Variants in SLCO3A1 observed in about 807,000 individuals in gnomAD.
SLCO3A1 encodes PGE1 transporter.
In SLCO3A1, 27 loss-of-function variants were observed where a neutral mutation model predicts 63.1. That is an observed-to-expected ratio of 0.43 (90% CI 0.32 to 0.59). SLCO3A1 has a LOEUF of 0.59. Among genes scored for constraint, SLCO3A1 ranks in the 20% least tolerant of loss-of-function variants. SLCO3A1 has a pLI of 0.09. For missense variants in SLCO3A1, 773 were observed against 945.8 expected (o/e 0.82, Z 2.40); for synonymous variants, 473 against 409.9 (o/e 1.15, Z -1.86).
At chr15:92,121,587 T>C (rs1362473834) in intron 5 of SLCO3A1, among the ~76,000 whole-genome samples, 4 of 152,208 alleles carry the variant, frequency 2.6e-5, no homozygotes, top group Admixed American at 1.3e-4. Flanking sequence ...TCTGGGATGA[T>C]AATCGATATT....
At chr15:91,880,098 T>TATCCGTCCGTCC (rs1555446359) in intron 1 of SLCO3A1, among the ~76,000 whole-genome samples, 1,250 of 97,608 alleles carry the variant, frequency 0.013, 19 homozygotes, top group East Asian at 0.07. Context: ...CTTGTATGTG[T>TATCCGTCCGTCC]GTCCGTCCGT....
chr15:92,037,661 T>G (rs547000131), intron 2 of SLCO3A1, among the ~76,000 whole-genome samples: 1 of 152,344 alleles, frequency 6.6e-6, no homozygotes, highest in South Asian at 2.1e-4. Flanking sequence ...TTTATCGTCA[T>G]TCATTCTTAT....
chr15:92,145,303 G>A (rs1015212574), intron 7 of SLCO3A1, among the ~76,000 whole-genome samples: 5 of 152,192 alleles, frequency 3.3e-5, no homozygotes, highest in Admixed American at 2.0e-4. Context: ...GGAGTGGGCA[G>A]TTTCCTCTCC....
At chr15:91,866,870 TG>T (rs1243835650) in intron 1 of SLCO3A1, among the ~76,000 whole-genome samples, 1 of 152,116 alleles carries the variant, frequency 6.6e-6, no homozygotes, top group Non-Finnish European at 1.5e-5. Flanking sequence ...AGCAAAGCAT[TG>T]GGCCAGGGTG....
chr15:92,008,963 A>T (rs1019975738), intron 2 of SLCO3A1, among the ~76,000 whole-genome samples: 1 of 152,252 alleles, frequency 6.6e-6, no homozygotes, highest in Non-Finnish European at 1.5e-5. Context: ...TCTGATGTGT[A>T]AAATGATTTT....
chr15:92,048,151 CT>C (rs1306192681), intron 2 of SLCO3A1, among the ~76,000 whole-genome samples: 1 of 152,086 alleles, frequency 6.6e-6, no homozygotes, highest in Non-Finnish European at 1.5e-5. Context: ...TTTAAACTGC[CT>C]CAGACCTCCC....
chr15:91,884,953 G>A (rs1451289317), intron 1 of SLCO3A1, among the ~76,000 whole-genome samples: 1 of 152,008 alleles, frequency 6.6e-6, no homozygotes, highest in East Asian at 1.9e-4. Flanking sequence ...CCCTGCTGGC[G>A]AGCTCACCTG....
At chr15:92,046,780 G>C (rs78121161) in intron 2 of SLCO3A1, among the ~76,000 whole-genome samples, 3,491 of 150,826 alleles carry the variant, frequency 0.023, 58 homozygotes, top group Admixed American at 0.043. Flanking sequence ...ATTTCATTCC[G>C]CAGAGAGTTA....
intron 1 of SLCO3A1, among the ~76,000 whole-genome samples, chr15:91,892,414 C>T (rs183291976): frequency 1.2e-3 from 180 of 152,280 alleles, no homozygotes; most frequent in Non-Finnish European, 2.3e-3. Context: ...AGGCCATGTA[C>T]CCTGGAATTT....
At chr15:91,914,476 C>G (rs1898585809) in intron 1 of SLCO3A1, among the ~76,000 whole-genome samples, 1 of 152,026 alleles carries the variant, frequency 6.6e-6, no homozygotes, top group South Asian at 2.1e-4. Flanking sequence ...ATTGTGTCTA[C>G]CTAATTGCTC....
chr15:92,070,371 G>A (rs559526650), intron 2 of SLCO3A1, among the ~76,000 whole-genome samples: 6 of 152,182 alleles, frequency 3.9e-5, no homozygotes, highest in South Asian at 4.1e-4. Flanking sequence ...GGTCGGGTGC[G>A]GTGGCTTACG....
intron 2 of SLCO3A1, among the ~76,000 whole-genome samples, chr15:92,083,318 A>G (rs2047368852): frequency 6.6e-6 from 1 of 152,126 alleles, no homozygotes; most frequent in African/African-American, 2.4e-5. Flanking sequence ...TCTGCTGCCC[A>G]GCTAGCTTGG....
chr15:92,026,773 ACAACATTCCCAC>A (rs1306552674), intron 2 of SLCO3A1, among the ~76,000 whole-genome samples: 3 of 152,212 alleles, frequency 2.0e-5, no homozygotes, highest in African/African-American at 7.2e-5. Context: ...AGAGAGTGTA[ACAACATTCCCAC>A]CAAATGTCTA....
intron 2 of SLCO3A1, among the ~76,000 whole-genome samples, chr15:92,072,082 T>C (rs1310170349): frequency 1.3e-5 from 2 of 152,216 alleles, no homozygotes; most frequent in Non-Finnish European, 2.9e-5. Context: ...CCTCCTGGAT[T>C]CCAATAGCTT....
intron 2 of SLCO3A1, among the ~76,000 whole-genome samples, chr15:92,004,083 C>G (rs547458702): frequency 1.3e-5 from 2 of 152,328 alleles, no homozygotes; most frequent in Non-Finnish European, 2.9e-5. Flanking sequence ...ATTCCTGGAT[C>G]CCACCCAGAC....
At chr15:92,143,822 G>A (rs1249020398) in intron 7 of SLCO3A1, among the ~76,000 whole-genome samples, 1 of 152,136 alleles carries the variant, frequency 6.6e-6, no homozygotes, top group Non-Finnish European at 1.5e-5. Context: ...AAGCAAAGCA[G>A]CATTTCCTCA....
At position 91,856,167 on chromosome 15, in the gene SLCO3A1, G is replaced by T. The variant is rs868250350; in HGVS notation, c.180+2079G>T. ...AGCAGAGGAGGAATTCGGTCCACCT[G>T]GTGGCGGCATCCTGGCACTTCTAGC... On this transcript the variant is annotated intron_variant, in intron 1 of 9. Transcript: ENST00000318445. This position sits in a 1 kb window ranked among gnomAD's most constrained non-coding sequence, Gnocchi z 4.9. Among the ~76,000 whole-genome samples, 1 of 152,014 alleles carries T rather than the reference G, an allele frequency of 6.6e-6. No homozygotes were observed. The highest frequency in any genetic ancestry group is 1.5e-5 in the Non-Finnish European group (1 of 68,012).
In SLCO3A1 at chr15:91,977,659, A is replaced by G. The variant is rs559788258; in HGVS notation, c.646+61201A>G. On this transcript the variant is annotated intron_variant, in intron 2 of 9. Transcript: ENST00000318445. ...GATAAAGGACTACATATTGGGTAGA[A>G]TGTACACTGCTTGGGTGATGGGTGC... Among the ~76,000 whole-genome samples the G allele has an allele frequency of 5.3e-5, 8 of 152,282 alleles. No homozygotes were observed. The South Asian group carries it at 1.7e-3, about 32-fold the overall frequency.
intron 1 of SLCO3A1, among the ~76,000 whole-genome samples, chr15:91,900,000 A>C (rs73549443): frequency 1.2e-4 from 19 of 152,316 alleles, no homozygotes; most frequent in African/African-American, 4.6e-4. Flanking sequence ...TACTGTATTT[A>C]TCAGATTGTG....
Sources: allele counts gnomAD v4.1 joint callset (sites outside exome capture counted in the v4.1 genomes callset), GRCh38; gene constraint gnomAD v4.1.1; non-coding constraint Gnocchi (gnomAD v3.1); transcripts MANE v1.5; gene names NCBI Gene and HGNC (gene_info 2026-07-23, HGNC 2026-07-21).